Variants in PARP4 observed in about 807,000 individuals in gnomAD.
PARP4 encodes protein mono-ADP-ribosyltransferase PARP4.
Under a neutral mutation model 187.7 loss-of-function variants are expected in PARP4, and 120 were observed. The observed-to-expected ratio is 0.64, with a 90% confidence interval of 0.55 to 0.74. PARP4 has a LOEUF of 0.74. Ranked by LOEUF, PARP4 falls within the 30% of genes least tolerant of loss-of-function variation. The probability of loss-of-function intolerance (pLI) is 0.00; values close to 1 mark genes in which losing one functional copy is unlikely to be tolerated. For missense variants in PARP4, 1,836 were observed against 2,070.5 expected, an observed-to-expected ratio of 0.89 and a Z score of 2.20; for synonymous variants, 654 against 740.9, an observed-to-expected ratio of 0.88 and a Z score of 1.90.
chr13:24,479,246 T>C (rs1873139814), intron 12 of PARP4, among the ~76,000 whole-genome samples: 1 of 152,056 alleles, frequency 6.6e-6, no homozygotes, highest in South Asian at 2.1e-4. Context: ...GACCCTTCTT[T>C]GTTTCACCTA....
chr13:24,494,522 T>G (rs1443482531), intron 7 of PARP4, 51 bp downstream of exon 7: 6 of 1,487,470 alleles, frequency 4.0e-6, no homozygotes, highest in Non-Finnish European at 5.6e-6. Flanking sequence ...GAGAAAACAT[T>G]TCTATTAAAA....
intron 24 of PARP4, among the ~76,000 whole-genome samples, chr13:24,450,513 T>C (rs368640352): frequency 1.3e-5 from 2 of 152,122 alleles, no homozygotes; most frequent in African/African-American, 2.4e-5. Flanking sequence ...GTGATGATCA[T>C]AACATTGACT....
At chr13:24,439,077 G>A (rs770776748) in intron 30 of PARP4, among the ~76,000 whole-genome samples, 2 of 152,138 alleles carry the variant, frequency 1.3e-5, no homozygotes, top group Non-Finnish European at 2.9e-5. Context: ...AAGATCCAAC[G>A]TATTTGCAAA....
chr13:24,477,569 T>A lies in PARP4; in HGVS notation c.1789+132A>T, dbSNP rs899997913. 5 of 585,778 alleles carry A rather than the reference T, an allele frequency of 8.5e-6. No homozygotes were observed. The South Asian group carries it at 1.2e-4, about 14-fold the overall frequency. 36.3% of individuals were successfully genotyped at this position (585,778 alleles called of 1,614,324 possible). On this transcript the variant is annotated intron_variant, in intron 14 of 33. Coordinates refer to ENST00000381989, the MANE Select transcript of PARP4 (RefSeq NM_006437.4). Reference sequence around the variant, plus strand: ...AAATTTGTGGGAAACAATTTTGAGATTGAAAGGAAATGAAATACTTATGGA... The same window carrying A: ...AAATTTGTGGGAAACAATTTTGAGAATGAAAGGAAATGAAATACTTATGGA...
At chr13:24,499,200 T>G (rs1398470941) in intron 5 of PARP4, 101 bp downstream of exon 5, 3 of 1,313,332 alleles carry the variant, frequency 2.3e-6, no homozygotes, top group Non-Finnish European at 3.0e-6. Flanking sequence ...TGCATAATTT[T>G]TCAAAACAAT....
chr13:24,437,849 C>CAAAAAAAAAAAAAAAAAAAAAAAAAAA (rs1216300092), intron 30 of PARP4, among the ~76,000 whole-genome samples: 1 of 118,376 alleles, frequency 8.4e-6, no homozygotes, highest in Non-Finnish European at 1.7e-5. Flanking sequence ...GACTCCATCT[C>CAAAAAAAAAAAAAAAAAAAAAAAAAAA]AAAAAAAAAA....
Position 24,456,517 on chromosome 13 carries a change from A to C in PARP4, c.2425-39T>G, listed in dbSNP as rs1358365965. ...ACCGCGACAACAAGGTGAGTAATGG[A>C]GTAACACCATATTAGCAGTCTGCAC... On this transcript the variant is annotated intron_variant, in intron 20 of 33. Coordinates refer to ENST00000381989, the MANE Select transcript of PARP4 (RefSeq NM_006437.4). The C allele has an allele frequency of 1.7e-5, 27 of 1,571,370 alleles. No individual in the cohort carries two copies. In the East Asian group the frequency reaches 6.2e-4, roughly 36 times the overall value.
intron 30 of PARP4, among the ~76,000 whole-genome samples, chr13:24,438,194 G>A (rs1870730084): frequency 6.6e-6 from 1 of 152,206 alleles, no homozygotes; most frequent in South Asian, 2.1e-4. Flanking sequence ...TATGGCAGTG[G>A]GGACTGGTTT....
chr13:24,489,284 A>C (rs1321341035), intron 10 of PARP4, among the ~76,000 whole-genome samples: 1 of 152,170 alleles, frequency 6.6e-6, no homozygotes, highest in East Asian at 1.9e-4. Context: ...GTCTCTCTAT[A>C]TCCTCACCAA....
At chr13:24,492,923 A>T (rs1290061282) in intron 8 of PARP4, among the ~76,000 whole-genome samples, 1 of 152,234 alleles carries the variant, frequency 6.6e-6, no homozygotes, top group East Asian at 1.9e-4. Flanking sequence ...TCACATGAGA[A>T]ATTTAGAAAG....
chr13:24,465,570 T>C (rs1245161715), intron 17 of PARP4, among the ~76,000 whole-genome samples: 1 of 152,034 alleles, frequency 6.6e-6, no homozygotes, highest in African/African-American at 2.4e-5. Flanking sequence ...AGCTGAACAA[T>C]GAGAACACAT....
At chr13:24,493,465 TAC>T in intron 8 of PARP4, 129 bp downstream of exon 8, 1 of 823,056 alleles carries the variant, frequency 1.2e-6, no homozygotes, top group Non-Finnish European at 1.8e-6. Context: ...TCAGTACCGG[TAC>T]AAGGAAAGAA....
intron 15 of PARP4, among the ~76,000 whole-genome samples, chr13:24,474,951 C>G (rs1169238531): frequency 6.6e-6 from 1 of 152,188 alleles, no homozygotes; most frequent in Non-Finnish European, 1.5e-5. Context: ...CTTGGCGCGC[C>G]TGGGCCAGAT....
Position 24,442,623 on chromosome 13 carries a change from T to C in PARP4, c.3510A>G (p.Thr1170=). The part of the protein sequence containing the change: ...IKLSKENSLI[T]QFTSFVAVEK... Reference sequence around the variant, plus strand: ...CAACTGCCACAAAGCTTGTAAATTGTGTTATGAGAGAGTTTTCTTTACTGA... The same window carrying C: ...CAACTGCCACAAAGCTTGTAAATTGCGTTATGAGAGAGTTTTCTTTACTGA... Residue 1170 remains threonine, a synonymous_variant, in exon 29 of 34, where the codon ACA becomes ACG. Coordinates refer to ENST00000381989, the MANE Select transcript of PARP4 (RefSeq NM_006437.4). 2 of 1,598,790 alleles carry C rather than the reference T, an allele frequency of 1.3e-6. No homozygotes were observed. The highest frequency in any genetic ancestry group is 1.3e-5 in the African/African-American group (1 of 74,778).
chr13:24,435,478 C>A lies in PARP4; in HGVS notation c.3667-4G>T. The A allele has an allele frequency of 6.4e-7, 1 of 1,563,570 alleles. No individual in the cohort carries two copies. Among genetic ancestry groups the A allele is most frequent in the Non-Finnish European group, 8.6e-7 (1 of 1,164,034 alleles). ...ACTCAGAGGATGCTAAAAGAGACTG[C>A]CCAGAAGACAGAATTATTAACGTAA... On this transcript the variant is annotated splice_polypyrimidine_tract_variant and splice_region_variant and intron_variant, in intron 30 of 33. Coordinates refer to ENST00000381989, the MANE Select transcript of PARP4 (RefSeq NM_006437.4).
intron 32 of PARP4, among the ~76,000 whole-genome samples, chr13:24,430,612 C>T (rs1215920331): frequency 6.6e-6 from 1 of 151,884 alleles, no homozygotes; most frequent in Non-Finnish European, 1.5e-5. Flanking sequence ...CGAGATAGTA[C>T]CACTGCACTC....
At chr13:24,501,965 A>T in intron 2 of PARP4, 131 bp from the exon 3 acceptor site, 1 of 609,006 alleles carries the variant, frequency 1.6e-6, no homozygotes, top group South Asian at 2.1e-5. Context: ...ATTTCGAAAA[A>T]CCTCTATAAA....
intron 11 of PARP4, among the ~76,000 whole-genome samples, chr13:24,485,454 C>T (rs1873502078): frequency 6.6e-6 from 1 of 152,200 alleles, no homozygotes; most frequent in Admixed American, 6.5e-5. Context: ...CTGATTCATG[C>T]AAGTTGTCTT....
chr13:24,441,803 A>G (rs1810372034), intron 30 of PARP4, 43 bp downstream of exon 30: 1 of 1,535,990 alleles, frequency 6.5e-7, no homozygotes, highest in African/African-American at 1.4e-5. Context: ...CTTCATGAAA[A>G]AACGAAAGCT....
Sources: allele counts gnomAD v4.1 joint callset (sites outside exome capture counted in the v4.1 genomes callset), GRCh38; gene constraint gnomAD v4.1.1; transcripts MANE v1.5; gene names NCBI Gene and HGNC (gene_info 2026-07-23, HGNC 2026-07-21).